The following FAM149A variants were observed in gnomAD, a reference collection of about 807,000 sequenced individuals.
FAM149A encodes the protein family with sequence similarity 149 member A.
Under a neutral mutation model 78.2 loss-of-function variants are expected in FAM149A, and 71 were observed. The ratio of observed to expected loss-of-function variants is 0.91; its 90% CI spans 0.75 to 1.11. The LOEUF (loss-of-function observed/expected upper bound fraction) is 1.11. Ranked by LOEUF, FAM149A falls within the 50% of genes least tolerant of loss-of-function variation. The pLI, the probability that FAM149A is intolerant of heterozygous loss-of-function variation, is 0.00. For synonymous variants in FAM149A, 446 were observed against 410.5 expected, an observed-to-expected ratio of 1.09 and a Z score of -1.04; for missense variants, 1,036 against 971.0, an observed-to-expected ratio of 1.07 and a Z score of -0.89.
At chr4:186,138,726 G>C (rs557814679) in intron 1 of FAM149A, among the ~76,000 whole-genome samples, 4 of 152,180 alleles carry the variant, frequency 2.6e-5, no homozygotes, top group African/African-American at 4.8e-5. Flanking sequence ...ATGGGTTTGG[G>C]GGGGAAGGCC....
intron 13 of FAM149A, chr4:186,169,855 C>T (rs942957541): frequency 4.1e-6 from 4 of 985,328 alleles, no homozygotes; most frequent in Non-Finnish European, 4.8e-6. Flanking sequence ...CTCTTAACTA[C>T]TGACCCAAGA....
At chr4:186,109,243 G>A (rs1172041085) in intron 1 of FAM149A, 1 of 959,714 alleles carries the variant, frequency 1.0e-6, no homozygotes, top group Non-Finnish European at 1.2e-6. Context: ...TTGGTAGAGT[G>A]TAAACTTCTA....
chr4:186,125,444 G>A (rs2099317903), intron 1 of FAM149A: 1 of 659,078 alleles, frequency 1.5e-6, no homozygotes, highest in Admixed American at 6.3e-5. Flanking sequence ...CTGCCTCTCG[G>A]GAGCTGATCA....
At chr4:186,136,985 TCTCTCTC>T (rs1561396461) in intron 1 of FAM149A, among the ~76,000 whole-genome samples, 1 of 126,176 alleles carries the variant, frequency 7.9e-6, no homozygotes, top group African/African-American at 2.9e-5. Flanking sequence ...TTTCTCTCTC[TCTCTCTC>T]TCTCTCTCTC....
At chr4:186,139,680 A>G (rs1442426053) in intron 1 of FAM149A, among the ~76,000 whole-genome samples, 1 of 152,176 alleles carries the variant, frequency 6.6e-6, no homozygotes, top group Non-Finnish European at 1.5e-5. Flanking sequence ...CACCCAGTCT[A>G]TGGTATTTTG....
intron 1 of FAM149A, chr4:186,124,189 T>C: frequency 4.1e-6 from 4 of 985,228 alleles, no homozygotes; most frequent in Non-Finnish European, 4.8e-6. Flanking sequence ...GGCACTATAT[T>C]CCTCCAGAGT....
chr4:186,104,924 T>A lies in FAM149A; in HGVS notation c.-153T>A. 1 of 977,498 alleles carries A rather than the reference T, an allele frequency of 1.0e-6. No homozygotes were observed. Among genetic ancestry groups the A allele is most frequent in the Non-Finnish European group, 1.2e-6 (1 of 822,980 alleles). The allele number at this position is 977,498 out of a possible 1,614,324, so 60.6% of individuals were successfully genotyped here. A position where few individuals can be genotyped will look rare whatever the true frequency, so the allele number is the denominator to read the frequency against. On this transcript the variant is annotated 5_prime_UTR_variant, in exon 1 of 14. Coordinates refer to ENST00000389354, the MANE Select transcript of FAM149A (RefSeq NM_001367768.3). ...AAGGGCGACCCCAGCGGCGCGGAGC[T>A]GAGCGTCCTCGGGGAGGAGAGGGAG... is the stretch of plus-strand genomic sequence containing the variant.
intron 1 of FAM149A, chr4:186,145,156 C>T: frequency 4.1e-6 from 4 of 985,242 alleles, no homozygotes; most frequent in Non-Finnish European, 4.8e-6. Context: ...GGCCGCTCTG[C>T]AGGCGATGTG....
At chr4:186,117,593 G>T in intron 1 of FAM149A, 2 of 985,434 alleles carry the variant, frequency 2.0e-6, no homozygotes, top group Non-Finnish European at 1.2e-6. Context: ...GAGCAAAGCC[G>T]TGGAGGCCCA....
At chr4:186,136,501 A>T (rs2099322765) in intron 1 of FAM149A, among the ~76,000 whole-genome samples, 1 of 152,282 alleles carries the variant, frequency 6.6e-6, no homozygotes, top group East Asian at 1.9e-4. Context: ...CACTTACTTT[A>T]AAAAGTTGGG....
intron 8 of FAM149A, among the ~76,000 whole-genome samples, chr4:186,162,214 A>G (rs1206107927): frequency 6.6e-6 from 1 of 152,210 alleles, no homozygotes; most frequent in Non-Finnish European, 1.5e-5. Context: ...CAGAATTACA[A>G]ATCAGGAAGC....
At chr4:186,151,635 T>C (rs372140857) in intron 3 of FAM149A, 14 of 685,586 alleles carry the variant, frequency 2.0e-5, no homozygotes, top group African/African-American at 1.9e-4. Context: ...TATACCTCTA[T>C]CTATGCAAAT....
At chr4:186,128,607 T>C (rs1375949666) in intron 1 of FAM149A, among the ~76,000 whole-genome samples, 1 of 152,246 alleles carries the variant, frequency 6.6e-6, no homozygotes, top group Non-Finnish European at 1.5e-5. Context: ...CTCTGCTTAA[T>C]GGAAATATGT....
rs1226203468 is a variant in FAM149A, at chr4:186,144,349, G to T, written c.567-4824G>T. 1.3e-5 allele frequency: 2 copies of T among 152,406 alleles called. No homozygotes were observed. The highest frequency in any genetic ancestry group is 4.8e-5 in the African/African-American group (2 of 41,572). 9.4% of individuals were successfully genotyped at this position (152,406 alleles called of 1,614,324 possible). ...TGTGAGCCGGTAGGGCAGGACGGGCGTGGAAGGGTCCACGTCTTTAGTATG... is the reference window on the plus strand; with the variant it reads ...TGTGAGCCGGTAGGGCAGGACGGGCTTGGAAGGGTCCACGTCTTTAGTATG... On this transcript the variant is annotated intron_variant, in intron 1 of 13. Transcript: ENST00000389354. This position sits in a 1 kb window ranked among gnomAD's most constrained non-coding sequence, Gnocchi z 4.2.
chr4:186,153,450 A>T (rs937554453), intron 4 of FAM149A, 195 bp from the exon 5 acceptor site: 29 of 985,316 alleles, frequency 2.9e-5, no homozygotes, highest in African/African-American at 3.5e-5. Context: ...ACCTTGCCTG[A>T]GACTGAGTCA....
chr4:186,142,199 G>T (rs1198514404), intron 1 of FAM149A, among the ~76,000 whole-genome samples: 1 of 152,230 alleles, frequency 6.6e-6, no homozygotes, highest in East Asian at 1.9e-4. Context: ...AGTGGCTGCT[G>T]CCTGGCTCCG....
At chr4:186,149,746 T>C in intron 3 of FAM149A, 42 bp downstream of exon 3, 1 of 1,217,386 alleles carries the variant, frequency 8.2e-7, no homozygotes, top group Non-Finnish European at 1.0e-6. Flanking sequence ...AATTACAGTT[T>C]ATAGTGAAGA....
intron 2 of FAM149A, 52 bp from the exon 3 acceptor site, chr4:186,149,514 A>T (rs1733305761): frequency 7.8e-7 from 1 of 1,289,116 alleles, no homozygotes; most frequent in African/African-American, 1.5e-5. Flanking sequence ...CCACTTAGCC[A>T]TCCAAGCCCT....
chr4:186,152,416 G>A (rs1008449319), intron 4 of FAM149A, among the ~76,000 whole-genome samples: 6 of 152,128 alleles, frequency 3.9e-5, no homozygotes, highest in African/African-American at 1.4e-4. Flanking sequence ...TTTGCTGAAC[G>A]GCTGGATAGA....
Sources: gnomAD v4.1 joint callset for allele counts (sites outside exome capture counted in the v4.1 genomes callset) on GRCh38, gnomAD v4.1.1 for gene constraint, Gnocchi (gnomAD v3.1) non-coding constraint, MANE v1.5 for transcripts, NCBI Gene and HGNC (gene_info 2026-07-23, HGNC 2026-07-21) for gene names.